MAGI1: variants seen among roughly 807,000 people sequenced by gnomAD.
MAGI1 encodes membrane associated guanylate kinase, WW and PDZ domain containing 1, also known as membrane-associated guanylate kinase, WW and PDZ domain-containing protein 1.
A neutral mutation model predicts 139.9 loss-of-function variants in MAGI1; 58 were observed. That is an observed-to-expected ratio of 0.41 (90% CI 0.34 to 0.52). The LOEUF (loss-of-function observed/expected upper bound fraction) is 0.52. Among genes scored for constraint, MAGI1 ranks in the 20% least tolerant of loss-of-function variants. The probability of loss-of-function intolerance (pLI) is 0.12; values close to 1 mark genes in which losing one functional copy is unlikely to be tolerated. For missense variants in MAGI1, 1,874 were observed against 1,901.6 expected, an observed-to-expected ratio of 0.99 and a Z score of 0.27; for synonymous variants, 812 against 737.9, an observed-to-expected ratio of 1.10 and a Z score of -1.63.
At chr3:65,723,558 T>C (rs1023433909) in intron 1 of MAGI1, among the ~76,000 whole-genome samples, 5 of 152,164 alleles carry the variant, frequency 3.3e-5, no homozygotes, top group Non-Finnish European at 5.9e-5. Context: ...CCAAGTCCTT[T>C]CCCTGCTCAT....
At chr3:65,822,767 G>A (rs2042017540) in intron 1 of MAGI1, among the ~76,000 whole-genome samples, 1 of 152,100 alleles carries the variant, frequency 6.6e-6, no homozygotes, top group South Asian at 2.1e-4. Flanking sequence ...GAGGGTAGAG[G>A]TGATACTCAC....
intron 1 of MAGI1, among the ~76,000 whole-genome samples, chr3:65,626,337 T>A (rs1162378639): frequency 6.6e-6 from 1 of 152,156 alleles, no homozygotes; most frequent in Admixed American, 6.5e-5. Flanking sequence ...TTTTTTTATT[T>A]TTTTGGAGAC....
chr3:65,962,939 C>CAAA (rs200089141), intron 1 of MAGI1, among the ~76,000 whole-genome samples: 1 of 84,966 alleles, frequency 1.2e-5, no homozygotes, highest in East Asian at 3.4e-4. Context: ...CAAGTGTCAG[C>CAAA]AAAAAAAAAA....
chr3:65,556,032 G>A (rs2080070590), intron 2 of MAGI1, among the ~76,000 whole-genome samples: 1 of 152,198 alleles, frequency 6.6e-6, no homozygotes. Flanking sequence ...AAATAAGAAT[G>A]TATGTGTGTT....
intron 1 of MAGI1, among the ~76,000 whole-genome samples, chr3:65,867,330 T>C (rs2059763841): frequency 6.6e-6 from 1 of 152,214 alleles, no homozygotes; most frequent in African/African-American, 2.4e-5. Context: ...TGGCACGCTG[T>C]TGGCAGCAGC....
At chr3:65,589,517 A>G (rs1268373070) in intron 2 of MAGI1, among the ~76,000 whole-genome samples, 1 of 152,106 alleles carries the variant, frequency 6.6e-6, no homozygotes, top group Non-Finnish European at 1.5e-5. Context: ...TCCTTGCCTT[A>G]GCTTGGGCTT....
intron 1 of MAGI1, among the ~76,000 whole-genome samples, chr3:65,622,990 G>A (rs1455389733): frequency 6.6e-6 from 1 of 152,144 alleles, no homozygotes; most frequent in Non-Finnish European, 1.5e-5. Context: ...GATTTTCATG[G>A]GTTGACATTG....
intron 1 of MAGI1, among the ~76,000 whole-genome samples, chr3:65,836,761 C>T (rs1398201792): frequency 6.6e-6 from 1 of 151,770 alleles, no homozygotes; most frequent in Admixed American, 6.6e-5. Flanking sequence ...GAGGTTGCAG[C>T]CTGGGCGACA....
intron 1 of MAGI1, among the ~76,000 whole-genome samples, chr3:65,861,312 T>TCACCACCTGGTG (rs1276110875): frequency 6.6e-6 from 1 of 152,142 alleles, no homozygotes; most frequent in East Asian, 1.9e-4. Context: ...ACCAGGTGAG[T>TCACCACCTGGTG]ACTCTCTGGT....
chr3:65,640,029 G>C (rs1467966151), intron 1 of MAGI1, among the ~76,000 whole-genome samples: 1 of 149,442 alleles, frequency 6.7e-6, no homozygotes, highest in Non-Finnish European at 1.5e-5. Flanking sequence ...ACTGCTTTGA[G>C]CTGGGAATCA....
At chr3:65,811,285 T>C (rs1271838778) in intron 1 of MAGI1, among the ~76,000 whole-genome samples, 1 of 152,192 alleles carries the variant, frequency 6.6e-6, no homozygotes, top group African/African-American at 2.4e-5. Flanking sequence ...TGAAAGACTA[T>C]ATTCACTGAC....
intron 1 of MAGI1, among the ~76,000 whole-genome samples, chr3:65,634,046 G>T (rs1469705780): frequency 1.3e-5 from 2 of 152,190 alleles, no homozygotes; most frequent in Non-Finnish European, 2.9e-5. Context: ...ATAGCAATAT[G>T]AAGCAATAAC....
rs1480537911 is a variant in MAGI1, at chr3:65,841,211, G to T, written c.313+196785C>A. On this transcript the variant is annotated intron_variant, in intron 1 of 22. Coordinates refer to ENST00000402939, the MANE Select transcript of MAGI1 (RefSeq NM_001033057.2). Reference sequence around the variant, plus strand: ...TTGCCAGATAACCGTCTATTTTATTGAACTTTTCAAAGAACTAGCTTTTTG... The same window carrying T: ...TTGCCAGATAACCGTCTATTTTATTTAACTTTTCAAAGAACTAGCTTTTTG... Among the ~76,000 whole-genome samples the T allele has an allele frequency of 2.0e-5, 3 of 151,194 alleles. No homozygotes were observed. The East Asian group carries it at 5.8e-4, about 29-fold the overall frequency.
intron 12 of MAGI1, among the ~76,000 whole-genome samples, chr3:65,423,384 G>GCACACACACA (rs71102855): frequency 1.6e-4 from 24 of 151,550 alleles, no homozygotes; most frequent in South Asian, 8.4e-4. Flanking sequence ...GCACACACGC[G>GCACACACACA]CACACACACA....
rs183102100 is a variant in MAGI1 at position 65,444,640 on chromosome 3, C to T, written c.1079-1791G>A. ...TAGGCACCAGGGACACAAAGACAAA[C>T]GCAAGTGCATCATCTAAGCAGAAAA... On this transcript the variant is annotated intron_variant, in intron 7 of 22. Coordinates refer to ENST00000402939, the MANE Select transcript of MAGI1 (RefSeq NM_001033057.2). Among the ~76,000 whole-genome samples the T allele has an allele frequency of 2.4e-4, 36 of 152,208 alleles. No individual in the cohort carries two copies. The South Asian group carries it at 6.0e-3, about 25-fold the overall frequency.
At chr3:65,650,841 C>T (rs557831758) in intron 1 of MAGI1, among the ~76,000 whole-genome samples, 6 of 152,174 alleles carry the variant, frequency 3.9e-5, no homozygotes, top group Admixed American at 2.6e-4. Context: ...GAGGCATTGA[C>T]ATAAACTACT....
chr3:65,446,477 G>T (rs1302219154), intron 7 of MAGI1, among the ~76,000 whole-genome samples: 1 of 152,178 alleles, frequency 6.6e-6, no homozygotes, highest in East Asian at 1.9e-4. Flanking sequence ...TTACATGTGG[G>T]TAAAATGCAG....
At chr3:65,946,075 C>T (rs896167696) in intron 1 of MAGI1, among the ~76,000 whole-genome samples, 4 of 152,232 alleles carry the variant, frequency 2.6e-5, no homozygotes, top group African/African-American at 9.6e-5. Flanking sequence ...AGAAAGCTCT[C>T]TGGGCCTGGC....
chr3:65,556,103 C>G (rs973745494), intron 2 of MAGI1, among the ~76,000 whole-genome samples: 3 of 152,072 alleles, frequency 2.0e-5, no homozygotes, highest in African/African-American at 7.2e-5. Flanking sequence ...AGTAGCGGAA[C>G]AGAGAAATAG....
Sources: gnomAD v4.1 joint callset for allele counts (sites outside exome capture counted in the v4.1 genomes callset) on GRCh38, gnomAD v4.1.1 for gene constraint, MANE v1.5 for transcripts, NCBI Gene and HGNC (gene_info 2026-07-23, HGNC 2026-07-21) for gene names.